The following KCNJ3 variants were observed in gnomAD, a reference collection of about 807,000 sequenced individuals.
KCNJ3 encodes G protein-activated inward rectifier potassium channel 1.
KCNJ3 carries 4 observed loss-of-function variants against 39.2 expected under a neutral mutation model. The ratio of observed to expected loss-of-function variants is 0.10; its 90% CI spans 0.05 to 0.23. The LOEUF is 0.23. Ranked by LOEUF, KCNJ3 falls within the 10% of genes least tolerant of loss-of-function variation. The probability of loss-of-function intolerance (pLI) is 1.00; values close to 1 mark genes in which losing one functional copy is unlikely to be tolerated. For missense variants in KCNJ3, 276 were observed against 634.9 expected, an observed-to-expected ratio of 0.43 and a Z score of 6.08; for synonymous variants, 230 against 237.4, an observed-to-expected ratio of 0.97 and a Z score of 0.29.
At chr2:154,735,362 C>T (rs1403707433) in intron 2 of KCNJ3, among the ~76,000 whole-genome samples, 1 of 151,924 alleles carries the variant, frequency 6.6e-6, no homozygotes, top group African/African-American at 2.4e-5. Context: ...GATCCGTCCG[C>T]CTCGGCATCC....
intron 2 of KCNJ3, among the ~76,000 whole-genome samples, chr2:154,818,766 A>G (rs1646330995): frequency 6.6e-6 from 1 of 152,136 alleles, no homozygotes; most frequent in Non-Finnish European, 1.5e-5. Flanking sequence ...TTGGTCTGTG[A>G]TTACATGCAT....
chr2:154,743,126 C>T (rs1269190440), intron 2 of KCNJ3, among the ~76,000 whole-genome samples: 1 of 151,778 alleles, frequency 6.6e-6, no homozygotes, highest in Non-Finnish European at 1.5e-5. Flanking sequence ...AAAGACTGTC[C>T]TTTCCCTCAT....
At chr2:154,838,763 T>C (rs1687516500) in intron 2 of KCNJ3, among the ~76,000 whole-genome samples, 1 of 152,180 alleles carries the variant, frequency 6.6e-6, no homozygotes, top group Admixed American at 6.5e-5. Context: ...AAACAGAAAT[T>C]AACCTAAGTA....
At chr2:154,751,171 G>T (rs2121088) in intron 2 of KCNJ3, among the ~76,000 whole-genome samples, 61,269 of 151,446 alleles carry the variant, frequency 0.4, 12,967 homozygotes, top group East Asian at 0.67. Flanking sequence ...AAATCATAAG[G>T]TAGATGAATT....
At chr2:154,785,846 A>C (rs1472257731) in intron 2 of KCNJ3, among the ~76,000 whole-genome samples, 2 of 152,166 alleles carry the variant, frequency 1.3e-5, no homozygotes, top group East Asian at 3.9e-4. Context: ...GCCTCATTTA[A>C]ACTTAATTAC....
At chr2:154,711,816 T>A (rs923960560) in intron 2 of KCNJ3, among the ~76,000 whole-genome samples, 3 of 152,142 alleles carry the variant, frequency 2.0e-5, no homozygotes, top group African/African-American at 7.2e-5. Context: ...CTACATGAGA[T>A]TGTAAAGAGT....
chr2:154,751,350 T>C (rs1685842245), intron 2 of KCNJ3, among the ~76,000 whole-genome samples: 1 of 152,036 alleles, frequency 6.6e-6, no homozygotes, highest in African/African-American at 2.4e-5. Flanking sequence ...TCATTACATA[T>C]CAAAATAATT....
intron 2 of KCNJ3, among the ~76,000 whole-genome samples, chr2:154,780,167 G>A (rs1307663683): frequency 6.6e-6 from 1 of 152,116 alleles, no homozygotes; most frequent in Non-Finnish European, 1.5e-5. Context: ...ACTAAGGAGG[G>A]ATTGTGGTAA....
chr2:154,839,087 C>A (rs1027848426), intron 2 of KCNJ3, among the ~76,000 whole-genome samples: 6 of 152,142 alleles, frequency 3.9e-5, no homozygotes, highest in African/African-American at 1.4e-4. Context: ...CTAATGCTGT[C>A]TCTCCCCCAG....
At chr2:154,823,423 C>A (rs1483721718) in intron 2 of KCNJ3, among the ~76,000 whole-genome samples, 1 of 143,346 alleles carries the variant, frequency 7.0e-6, no homozygotes, top group East Asian at 2.1e-4. Context: ...TTTTTTTTTA[C>A]ATCGAGTCAA....
At chr2:154,746,452 T>G (rs1208700139) in intron 2 of KCNJ3, among the ~76,000 whole-genome samples, 1 of 151,642 alleles carries the variant, frequency 6.6e-6, no homozygotes, top group African/African-American at 2.4e-5. Flanking sequence ...ATAAAGGCAA[T>G]GTAAATAGGT....
intron 2 of KCNJ3, among the ~76,000 whole-genome samples, chr2:154,822,786 A>G (rs1319080698): frequency 6.6e-6 from 1 of 151,996 alleles, no homozygotes; most frequent in Non-Finnish European, 1.5e-5. Flanking sequence ...AGTTGAATTC[A>G]CAGTATACCA....
chr2:154,786,864 A>T (rs1026893437), intron 2 of KCNJ3, among the ~76,000 whole-genome samples: 1 of 152,314 alleles, frequency 6.6e-6, no homozygotes, highest in Non-Finnish European at 1.5e-5. Context: ...AATGAATTAG[A>T]CGTGGACTCT....
chr2:154,814,421 T>A (rs753528075), intron 2 of KCNJ3, among the ~76,000 whole-genome samples: 1 of 152,102 alleles, frequency 6.6e-6, no homozygotes, highest in Non-Finnish European at 1.5e-5. Context: ...GCAGATCACC[T>A]GAGGTCAGGA....
chr2:154,806,972 TAA>T (rs956653337), intron 2 of KCNJ3, among the ~76,000 whole-genome samples: 2 of 152,218 alleles, frequency 1.3e-5, no homozygotes, highest in Admixed American at 1.3e-4. Context: ...CTGTTCTGCA[TAA>T]GAGTCTTGCC....
At chr2:154,776,755 A>T (rs1686342627) in intron 2 of KCNJ3, among the ~76,000 whole-genome samples, 1 of 152,180 alleles carries the variant, frequency 6.6e-6, no homozygotes, top group Non-Finnish European at 1.5e-5. Context: ...TACCATAGTT[A>T]GATGATTATG....
chr2:154,733,287 A>T (rs1685475305), intron 2 of KCNJ3, among the ~76,000 whole-genome samples: 1 of 152,072 alleles, frequency 6.6e-6, no homozygotes, highest in Non-Finnish European at 1.5e-5. Context: ...ATTTAAATTT[A>T]AAAATCTTAA....
At chr2:154,836,844 C>A (rs924472129) in intron 2 of KCNJ3, among the ~76,000 whole-genome samples, 15 of 152,174 alleles carry the variant, frequency 9.9e-5, no homozygotes, top group African/African-American at 3.4e-4. Context: ...AGCCTGCAAG[C>A]AAACAAAATG....
intron 1 of KCNJ3, among the ~76,000 whole-genome samples, chr2:154,705,307 G>A (rs376481729): frequency 6.6e-6 from 1 of 152,276 alleles, no homozygotes; most frequent in South Asian, 2.1e-4. Context: ...GCTTGTGCCA[G>A]GGCAGTGCTA....
Sources: allele counts gnomAD v4.1 joint callset (sites outside exome capture counted in the v4.1 genomes callset), GRCh38; gene constraint gnomAD v4.1.1; transcripts MANE v1.5; gene names NCBI Gene and HGNC (gene_info 2026-07-23, HGNC 2026-07-21).